The following PRR16 variants were observed in gnomAD, a reference collection of about 807,000 sequenced individuals.
PRR16 encodes the protein protein Largen.
A neutral mutation model predicts 18.2 loss-of-function variants in PRR16; 6 were observed. That is an observed-to-expected ratio of 0.33 (90% confidence interval 0.18 to 0.65). The LOEUF is 0.65. Among genes scored for constraint, PRR16 ranks in the 30% least tolerant of loss-of-function variants. PRR16 has a pLI of 0.74. For synonymous variants in PRR16, 151 were observed against 147.8 expected, an observed-to-expected ratio of 1.02 and a Z score of -0.16; for missense variants, 412 against 376.6, an observed-to-expected ratio of 1.09 and a Z score of -0.78.
At chr5:120,645,809 C>T (rs1220081329) in intron 1 of PRR16, among the ~76,000 whole-genome samples, 1 of 121,798 alleles carries the variant, frequency 8.2e-6, no homozygotes, top group East Asian at 2.2e-4. Context: ...GCAGCACTTC[C>T]AGGCATTACA....
At chr5:120,514,613 T>G (rs1325156038) in intron 1 of PRR16, among the ~76,000 whole-genome samples, 1 of 152,220 alleles carries the variant, frequency 6.6e-6, no homozygotes, top group African/African-American at 2.4e-5. Context: ...GTTCTACCTT[T>G]CACAAAGTCA....
the PRR16 span, among the ~76,000 whole-genome samples, chr5:120,719,897 A>AAT: frequency 6.6e-6 from 1 of 152,018 alleles, no homozygotes; most frequent in African/African-American, 2.4e-5. Context: ...AATCCCAGAA[A>AAT]ATTGTATAAC....
At chr5:120,514,206 T>C (rs561172239) in intron 1 of PRR16, among the ~76,000 whole-genome samples, 2 of 152,150 alleles carry the variant, frequency 1.3e-5, no homozygotes, top group Non-Finnish European at 2.9e-5. Flanking sequence ...CTCTATGCCA[T>C]TGTAAAAAGG....
intron 1 of PRR16, among the ~76,000 whole-genome samples, chr5:120,504,313 A>G (rs1441181045): frequency 6.6e-6 from 1 of 152,092 alleles, no homozygotes. Flanking sequence ...TTGGCAACAC[A>G]CTCGAATCAG....
At chr5:120,754,448 T>C in the PRR16 span, among the ~76,000 whole-genome samples, 28 of 88,596 alleles carry the variant, frequency 3.2e-4, 1 homozygote, top group East Asian at 5.5e-3. Context: ...ATAGTATATA[T>C]TATATAATAT....
chr5:120,727,651 CAA>C, the PRR16 span, among the ~76,000 whole-genome samples: 1 of 152,034 alleles, frequency 6.6e-6, no homozygotes, highest in Non-Finnish European at 1.5e-5. Context: ...ATTTAACAAA[CAA>C]TGTGGTTTTG....
intron 1 of PRR16, among the ~76,000 whole-genome samples, chr5:120,481,942 C>CT (rs1202834776): frequency 6.6e-6 from 1 of 151,878 alleles, no homozygotes; most frequent in Non-Finnish European, 1.5e-5. Context: ...ACTAATGGTT[C>CT]TTTTTTATTG....
At chr5:120,708,694 T>A in the PRR16 span, among the ~76,000 whole-genome samples, 1 of 152,142 alleles carries the variant, frequency 6.6e-6, no homozygotes, top group African/African-American at 2.4e-5. Flanking sequence ...CATTTCAGTT[T>A]CAGAACCCAA....
At chr5:120,529,560 A>G (rs1007420594) in intron 1 of PRR16, among the ~76,000 whole-genome samples, 1 of 152,170 alleles carries the variant, frequency 6.6e-6, no homozygotes, top group Non-Finnish European at 1.5e-5. Context: ...TATTTGAATT[A>G]AGTGCAAAAA....
chr5:120,589,428 T>TCCC (rs1356745592), intron 1 of PRR16, among the ~76,000 whole-genome samples: 3 of 152,134 alleles, frequency 2.0e-5, no homozygotes, highest in South Asian at 4.1e-4. Context: ...TATAGGGATG[T>TCCC]CCAACTTAGT....
At chr5:120,563,783 A>G (rs889248878) in intron 1 of PRR16, among the ~76,000 whole-genome samples, 4 of 151,784 alleles carry the variant, frequency 2.6e-5, no homozygotes, top group African/African-American at 9.7e-5. Flanking sequence ...GTGTAAGACA[A>G]TGTCCCCTTT....
chr5:120,640,434 C>T (rs1755384209), intron 1 of PRR16, among the ~76,000 whole-genome samples: 1 of 152,092 alleles, frequency 6.6e-6, no homozygotes, highest in African/African-American at 2.4e-5. Context: ...GAAACATGAG[C>T]CACGCACACA....
intron 1 of PRR16, among the ~76,000 whole-genome samples, chr5:120,595,434 C>CAAA (rs58436470): frequency 2.5e-4 from 37 of 149,392 alleles, no homozygotes; most frequent in African/African-American, 7.6e-4. Context: ...ATCAAAAAGT[C>CAAA]AAAAAAAAAA....
At chr5:120,708,327 T>G in the PRR16 span, among the ~76,000 whole-genome samples, 1 of 152,224 alleles carries the variant, frequency 6.6e-6, no homozygotes, top group Non-Finnish European at 1.5e-5. Context: ...TCAAAAACTT[T>G]AAAAGTTAAA....
At chr5:120,752,502 T>G in the PRR16 span, among the ~76,000 whole-genome samples, 4 of 151,986 alleles carry the variant, frequency 2.6e-5, no homozygotes, top group East Asian at 7.7e-4. Context: ...ATGCACTGAT[T>G]AGGCTTATTT....
intron 1 of PRR16, among the ~76,000 whole-genome samples, chr5:120,623,169 A>C (rs1056770106): frequency 6.6e-6 from 1 of 152,188 alleles, no homozygotes; most frequent in Admixed American, 6.5e-5. Context: ...AAAATGTTAT[A>C]GTCATTAGAT....
chr5:120,775,883 G>A, the PRR16 span, among the ~76,000 whole-genome samples: 1 of 148,174 alleles, frequency 6.7e-6, no homozygotes, highest in Admixed American at 6.9e-5. Context: ...CTTGACCTCA[G>A]GTGATACACC....
chr5:120,628,255 C>G (rs1754931727), intron 1 of PRR16, among the ~76,000 whole-genome samples: 1 of 152,012 alleles, frequency 6.6e-6, no homozygotes, highest in South Asian at 2.1e-4. Flanking sequence ...TTTCATAAAG[C>G]AATATGCATG....
the PRR16 span, among the ~76,000 whole-genome samples, chr5:120,694,657 C>G: frequency 1.8e-3 from 276 of 149,240 alleles, no homozygotes; most frequent in African/African-American, 6.4e-3. Flanking sequence ...TGCACTCCAG[C>G]CTGGGCGACA....
Sources: allele counts gnomAD v4.1 joint callset (sites outside exome capture counted in the v4.1 genomes callset), GRCh38; gene constraint gnomAD v4.1.1; transcripts MANE v1.5; gene names NCBI Gene and HGNC (gene_info 2026-07-23, HGNC 2026-07-21).